Variants in ABCA5 observed in about 807,000 individuals in gnomAD.
The protein encoded by ABCA5 is cholesterol transporter ABCA5.
A neutral mutation model predicts 206.0 loss-of-function variants in ABCA5; 163 were observed. That is an observed-to-expected ratio of 0.79 (90% CI 0.70 to 0.90). ABCA5 has a LOEUF of 0.90. ABCA5 is among the 40% of genes least tolerant of loss of function. The probability of loss-of-function intolerance (pLI) is 0.00; values close to 1 mark genes in which losing one functional copy is unlikely to be tolerated. For synonymous variants in ABCA5, 609 were observed against 613.8 expected (o/e 0.99, Z 0.11); for missense variants, 1,859 against 1,912.9 (o/e 0.97, Z 0.53).
chr17:69,244,836 T>G lies in ABCA5; in HGVS notation c.*2701A>C, dbSNP rs1399042172. 1 of 150,780 alleles carries G rather than the reference T, an allele frequency of 6.6e-6. No individual in the cohort carries two copies. The highest frequency in any genetic ancestry group is 6.6e-5 in the Admixed American group (1 of 15,120). 9.3% of individuals were successfully genotyped at this position (150,780 alleles called of 1,614,324 possible). ...TAATTGTGCTCCTATAAAACGTTGT[T>G]AGTACTACTAGCAAAGGATTTGTCA... On this transcript the variant is annotated 3_prime_UTR_variant, in exon 39 of 39. Coordinates refer to ENST00000392676, the MANE Select transcript of ABCA5 (RefSeq NM_172232.4).
intron 38 of ABCA5, among the ~76,000 whole-genome samples, 178 bp from the exon 39 acceptor site, chr17:69,247,822 T>C (rs1024655853): frequency 5.3e-5 from 8 of 152,076 alleles, no homozygotes; most frequent in African/African-American, 1.9e-4. Context: ...CAAAGATGAA[T>C]ACTATTTTAG....
At chr17:69,256,335 T>C in intron 28 of ABCA5, 52 bp from the exon 29 acceptor site, 1 of 1,238,016 alleles carries the variant, frequency 8.1e-7, no homozygotes, top group Non-Finnish European at 1.1e-6. Context: ...ATAATTAAAA[T>C]AGTAAGAAAT....
intron 37 of ABCA5, chr17:69,248,896 T>TA (rs2074982035): frequency 6.6e-6 from 1 of 152,154 alleles, no homozygotes; most frequent in Admixed American, 6.6e-5. Flanking sequence ...CGGGTAATTT[T>TA]AAAAAATATT....
intron 18 of ABCA5, among the ~76,000 whole-genome samples, chr17:69,278,143 A>G (rs972897950): frequency 1.3e-5 from 2 of 152,086 alleles, no homozygotes; most frequent in Non-Finnish European, 2.9e-5. Flanking sequence ...AATAGTGTAA[A>G]CCAATGAAAA....
chr17:69,312,685 C>T (rs1474998525), intron 3 of ABCA5, among the ~76,000 whole-genome samples: 3 of 152,024 alleles, frequency 2.0e-5, no homozygotes, highest in African/African-American at 7.2e-5. Context: ...TTTGGGCTCA[C>T]GGGATCCCCC....
At position 69,247,626 on chromosome 17, in the gene ABCA5, T is replaced by G; in HGVS notation, c.4840A>C (p.Lys1614Gln). ...TLEQVFVELT[K>Q]EQEEEDNSCG... The stretch of plus-strand genomic sequence containing the variant: ...CTATTATCTTCCTCCTCTTGTTCTT[T>G]AGTGAGTTCTACAAAAACCTAGGTG... The change falls in exon 39 of 39, where the codon AAA becomes CAA. Residue 1614 changes from lysine to glutamine, a missense_variant. Coordinates refer to ENST00000392676, the MANE Select transcript of ABCA5 (RefSeq NM_172232.4). The G allele has an allele frequency of 1.2e-6, 2 of 1,607,842 alleles. No individual in the cohort carries two copies. Among genetic ancestry groups the G allele is most frequent in the Non-Finnish European group, 8.5e-7 (1 of 1,177,278 alleles).
chr17:69,258,489 T>C (rs1355272902), intron 28 of ABCA5, among the ~76,000 whole-genome samples: 1 of 152,100 alleles, frequency 6.6e-6, no homozygotes, highest in Non-Finnish European at 1.5e-5. Flanking sequence ...ATACAACATG[T>C]TCTCACTTAT....
chr17:69,284,091 A>G lies in ABCA5; in HGVS notation c.2273-19T>C, dbSNP rs1290507879. 2 of 1,518,848 alleles carry G rather than the reference A, an allele frequency of 1.3e-6. No homozygotes were observed. Among genetic ancestry groups the G allele is most frequent in the South Asian group, 2.6e-5 (2 of 77,410 alleles). The allele number at this position is 1,518,848 out of a possible 1,614,324, so 94.1% of individuals were successfully genotyped here. On this transcript the variant is annotated intron_variant, in intron 17 of 38. Transcript: ENST00000392676. ...AACAAACCTAAAAGAAAAAAATGAA[A>G]GAATAGTATATCTTTAAGCATATTA...
rs1157482527 is a variant in ABCA5, at chr17:69,259,641, G to A, written c.3731+65C>T. 8.3e-6 allele frequency: 9 copies of A among 1,086,954 alleles called. No individual in the cohort carries two copies. The East Asian group carries it at 2.4e-4, about 29-fold the overall frequency. 67.3% of individuals were successfully genotyped at this position (1,086,954 alleles called of 1,614,324 possible). ...TGGAAATGTTCCAAAATTATGTTAT[G>A]GTAATGGTTACACAGTTCTGTAAAT... On this transcript the variant is annotated intron_variant, in intron 28 of 38. Transcript: ENST00000392676.
rs1262714918 is a variant in ABCA5 at position 69,259,709 on chromosome 17, A to C, written c.3728T>G (p.Phe1243Cys). The change falls in exon 28 of 39, where the codon TTC becomes TGC. Residue 1243 changes from phenylalanine (F) to cysteine (C), a missense_variant. Coordinates refer to ENST00000392676, the MANE Select transcript of ABCA5 (RefSeq NM_172232.4). ...AATTTTTAAAAAATCAACTGACCTG[A>C]AAAAGGGATCTTTTCTTATTGATCT... Reference protein sequence around the residue: ...GGRSIRKDPFFRNLSTKSKNR... With the variant: ...GGRSIRKDPFCRNLSTKSKNR... 6.3e-7 allele frequency: 1 copy of C among 1,593,220 alleles called. No homozygotes were observed. Among genetic ancestry groups the C allele is most frequent in the African/African-American group, 1.3e-5 (1 of 74,266 alleles).
chr17:69,321,404 C>G (rs769770704), intron 1 of ABCA5, among the ~76,000 whole-genome samples: 5 of 152,192 alleles, frequency 3.3e-5, no homozygotes, highest in Admixed American at 6.5e-5. Context: ...TTTGACTTAT[C>G]AGGTGCCTTT....
chr17:69,303,839 T>C (rs763166204), intron 7 of ABCA5, among the ~76,000 whole-genome samples: 807 of 18,994 alleles, frequency 0.042, 184 homozygotes, highest in African/African-American at 0.091. Flanking sequence ...TATATATATA[T>C]ACATACATAT....
rs534812777 is a variant in ABCA5 at position 69,255,793 on chromosome 17, G to T, written c.3916C>A (p.Leu1306Ile). The change falls in exon 30 of 39, where the codon CTT (leucine) becomes ATT (isoleucine). Residue 1306 changes from leucine (L) to isoleucine (I), a missense_variant. Transcript: ENST00000392676. Reference protein sequence around the residue: ...HKEYDDKKDFLLSRKVKKVAT... With the variant: ...HKEYDDKKDFILSRKVKKVAT... ...ACTTTCTTTACTTTTCTTGAAAGAA[G>T]AAAATCTTTCTTGTCATCATATTCT... The T allele has an allele frequency of 1.2e-5, 19 of 1,595,556 alleles. No individual in the cohort carries two copies. In the South Asian group the frequency reaches 2.0e-4, roughly 16 times the overall value.
Position 69,247,655 on chromosome 17 carries a change from A to C in ABCA5, c.4822-11T>G, listed in dbSNP as rs367940979. The C allele has an allele frequency of 3.3e-6, 5 of 1,525,664 alleles. No individual in the cohort carries two copies. The East Asian group carries it at 1.1e-4, about 35-fold the overall frequency. 94.5% of individuals were successfully genotyped at this position (1,525,664 alleles called of 1,614,324 possible). ...GAGTTCTACAAAAACCTAGGTGAAA[A>C]GAAATAAATGAATACAGTATGCTGT... is the stretch of plus-strand genomic sequence containing the variant. On this transcript the variant is annotated splice_polypyrimidine_tract_variant and intron_variant, in intron 38 of 38. Coordinates refer to ENST00000392676, the MANE Select transcript of ABCA5 (RefSeq NM_172232.4).
In ABCA5 at chr17:69,302,766, C is replaced by G. The variant is rs752169540; in HGVS notation, c.1071G>C (p.Trp357Cys). ...LIESFPKSLV[W>C]LFSPFCHCTF... is the part of the protein sequence containing the mutation. ...TACAGTGACAGAAAGGACTGAAAAGCCACACTAACGATTTGGGAAAACTTT... is the reference window on the plus strand; with the variant it reads ...TACAGTGACAGAAAGGACTGAAAAGGCACACTAACGATTTGGGAAAACTTT... The change falls in exon 8 of 39, where the codon TGG becomes TGC. Residue 357 changes from tryptophan (W) to cysteine (C), a missense_variant. Transcript: ENST00000392676. 145 of 1,596,282 alleles carry G rather than the reference C, an allele frequency of 9.1e-5. No homozygotes were observed. The highest frequency in any genetic ancestry group is 1.1e-4 in the Non-Finnish European group (134 of 1,175,182).
intron 24 of ABCA5, among the ~76,000 whole-genome samples, chr17:69,263,024 T>C (rs2075166494): frequency 6.6e-6 from 1 of 152,194 alleles, no homozygotes; most frequent in Non-Finnish European, 1.5e-5. Context: ...TGTTGTCCAT[T>C]TGCATGTCTT....
At chr17:69,250,385 G>C in intron 36 of ABCA5, 87 bp downstream of exon 36, 1 of 1,200,094 alleles carries the variant, frequency 8.3e-7, no homozygotes, top group Non-Finnish European at 1.1e-6. Context: ...TGAATGAAAA[G>C]ATGATTTTTC....
At position 69,274,046 on chromosome 17, in the gene ABCA5, T is replaced by C. The variant is rs777840284; in HGVS notation, c.2677A>G (p.Ile893Val). 1 of 1,611,574 alleles carries C rather than the reference T, an allele frequency of 6.2e-7. No individual in the cohort carries two copies. The change falls in exon 20 of 39, where the codon ATC (isoleucine) becomes GTC (valine). Residue 893 changes from isoleucine to valine, a missense_variant. Physicochemically the swap from Ile to Val is conservative, Grantham distance 29. Coordinates refer to ENST00000392676, the MANE Select transcript of ABCA5 (RefSeq NM_172232.4). ...AAATATAAGTCTGGAACAAGTTTGA[T>C]GGGAACCACAGCATTTTTAAAAGAG... ...HHSFKNAVVP[I>V]KLVPDLYFLK...
At position 69,254,379 on chromosome 17, in the gene ABCA5, G is replaced by T. The variant is rs750143737; in HGVS notation, c.4180C>A (p.His1394Asn). The T allele has an allele frequency of 1.9e-6, 3 of 1,613,494 alleles. No homozygotes were observed. The Admixed American group carries it at 5.0e-5, about 27-fold the overall frequency. The stretch of plus-strand genomic sequence containing the variant: ...TTGACAGCTCCATAAATTTCAAAAT[G>T]TTCCTGCAATGTAGTATCTGGCCAC... ...PLWPDTTLQE[H>N]FEIYGAVKGM... The change falls in exon 32 of 39, where the codon CAT (histidine) becomes AAT (asparagine). Residue 1394 changes from histidine (H) to asparagine (N), a missense_variant. Coordinates refer to ENST00000392676, the MANE Select transcript of ABCA5 (RefSeq NM_172232.4).
Sources: allele counts gnomAD v4.1 joint callset (sites outside exome capture counted in the v4.1 genomes callset), GRCh38; gene constraint gnomAD v4.1.1; transcripts MANE v1.5; gene names NCBI Gene and HGNC (gene_info 2026-07-23, HGNC 2026-07-21).